The following PPP3CA variants were observed in gnomAD, a reference collection of about 807,000 sequenced individuals.
The protein encoded by PPP3CA is protein phosphatase 3 catalytic subunit alpha.
In PPP3CA, 14 loss-of-function variants were observed where a neutral mutation model predicts 66.5. The observed-to-expected ratio is 0.21, with a 90% confidence interval of 0.14 to 0.33. The LOEUF (loss-of-function observed/expected upper bound fraction) is 0.33, where lower values mean the gene tolerates loss of function less well. Among genes scored for constraint, PPP3CA ranks in the 10% least tolerant of loss-of-function variants. The pLI is 1.00. For missense variants in PPP3CA, 317 were observed against 639.5 expected, an observed-to-expected ratio of 0.50 and a Z score of 5.44; for synonymous variants, 232 against 226.2, an observed-to-expected ratio of 1.03 and a Z score of -0.23.
chr4:101,302,886 A>G (rs1728424038), intron 1 of PPP3CA, among the ~76,000 whole-genome samples: 1 of 152,242 alleles, frequency 6.6e-6, no homozygotes, highest in Admixed American at 6.5e-5. Context: ...TAATTACTCT[A>G]AGGCAGAGTT....
intron 4 of PPP3CA, among the ~76,000 whole-genome samples, chr4:101,098,878 T>C (rs1341412966): frequency 2.0e-5 from 3 of 152,082 alleles, no homozygotes; most frequent in African/African-American, 4.8e-5. Flanking sequence ...TCCTTAACGA[T>C]TTTGTAGAAA....
intron 2 of PPP3CA, among the ~76,000 whole-genome samples, chr4:101,169,807 C>CA (rs1171300970): frequency 6.6e-6 from 1 of 151,524 alleles, no homozygotes; most frequent in Non-Finnish European, 1.5e-5. Context: ...GAAGAGGCTT[C>CA]AAAAAATGCT....
chr4:101,317,190 A>C (rs915264385), intron 1 of PPP3CA, among the ~76,000 whole-genome samples: 4 of 151,600 alleles, frequency 2.6e-5, no homozygotes, highest in African/African-American at 7.3e-5. Flanking sequence ...CAGCAAAAGA[A>C]AACCAGACCA....
At chr4:101,235,027 C>T (rs75178839) in intron 1 of PPP3CA, among the ~76,000 whole-genome samples, 2 of 151,588 alleles carry the variant, frequency 1.3e-5, no homozygotes, top group African/African-American at 4.8e-5. Flanking sequence ...TATATATATA[C>T]ACACTACTAG....
chr4:101,268,414 A>T (rs1727234658), intron 1 of PPP3CA, among the ~76,000 whole-genome samples: 1 of 152,122 alleles, frequency 6.6e-6, no homozygotes, highest in Non-Finnish European at 1.5e-5. Flanking sequence ...CAACAATTTC[A>T]GAGAATTCCA....
At chr4:101,111,649 C>A (rs1233017451) in intron 2 of PPP3CA, among the ~76,000 whole-genome samples, 1 of 152,110 alleles carries the variant, frequency 6.6e-6, no homozygotes, top group East Asian at 1.9e-4. Context: ...ACCGAGGCTC[C>A]AACCCTTGCT....
At chr4:101,118,926 C>T (rs1721932711) in intron 2 of PPP3CA, among the ~76,000 whole-genome samples, 1 of 149,666 alleles carries the variant, frequency 6.7e-6, no homozygotes, top group Non-Finnish European at 1.5e-5. Context: ...CCTCTGCTGC[C>T]TCATCTATAA....
intron 13 of PPP3CA, 75 bp from the exon 14 acceptor site, chr4:101,026,136 G>T: frequency 7.7e-7 from 1 of 1,300,866 alleles, no homozygotes; most frequent in Non-Finnish European, 1.1e-6. Flanking sequence ...GTTGCAGCAG[G>T]TGATGTTAGA....
At chr4:101,031,843 A>G (rs1726978068) in intron 12 of PPP3CA, among the ~76,000 whole-genome samples, 1 of 152,256 alleles carries the variant, frequency 6.6e-6, no homozygotes, top group Non-Finnish European at 1.5e-5. Context: ...CTGAAAATCT[A>G]GACATACAGG....
At chr4:101,191,928 A>C (rs987792101) in intron 2 of PPP3CA, among the ~76,000 whole-genome samples, 39 of 152,142 alleles carry the variant, frequency 2.6e-4, no homozygotes, top group African/African-American at 8.4e-4. Flanking sequence ...AAACAGGCAA[A>C]CCAGAGAGAT....
intron 2 of PPP3CA, among the ~76,000 whole-genome samples, chr4:101,194,903 C>T (rs1392868087): frequency 6.6e-6 from 1 of 151,774 alleles, no homozygotes; most frequent in African/African-American, 2.4e-5. Flanking sequence ...ATTTTTATGG[C>T]CTAAGAGAAG....
chr4:101,099,804 T>C (rs1190868356), intron 3 of PPP3CA, 82 bp from the exon 4 acceptor site: 5 of 699,982 alleles, frequency 7.1e-6, no homozygotes, highest in East Asian at 3.4e-5. Context: ...CATAAAGACA[T>C]GAATAAAATG....
rs3840161 is a variant in PPP3CA, at chr4:101,317,253, A to AACACACACACACACACACAC, written c.58+29466_58+29485dup. ...GGAGGCCCCTTAACTCGGTACTCCCAACACACACACACACACACACACACA... is the reference window on the plus strand; with the variant it reads ...GGAGGCCCCTTAACTCGGTACTCCCAACACACACACACACACACACACACACACACACACACACACACACA... On this transcript the variant is annotated intron_variant, in intron 1 of 13. Transcript: ENST00000394854. Among the ~76,000 whole-genome samples, 601 of 145,390 alleles carry AACACACACACACACACACAC rather than the reference A, an allele frequency of 4.1e-3. 4 individuals are homozygous for AACACACACACACACACACAC. Among genetic ancestry groups the AACACACACACACACACACAC allele is most frequent in the African/African-American group, 0.014 (559 of 38,676 alleles).
chr4:101,069,682 G>C (rs560650113), intron 8 of PPP3CA, among the ~76,000 whole-genome samples: 6 of 152,236 alleles, frequency 3.9e-5, no homozygotes, highest in Admixed American at 2.0e-4. Flanking sequence ...TGCCACCCTT[G>C]AGACAGCAAG....
intron 2 of PPP3CA, among the ~76,000 whole-genome samples, chr4:101,175,291 G>C (rs974362421): frequency 2.6e-5 from 4 of 152,176 alleles, no homozygotes; most frequent in Non-Finnish European, 5.9e-5. Flanking sequence ...CTTAGGGGCT[G>C]ACCTGTGGTA....
At chr4:101,199,569 C>T (rs1724906424) in intron 1 of PPP3CA, among the ~76,000 whole-genome samples, 1 of 152,164 alleles carries the variant, frequency 6.6e-6, no homozygotes, top group South Asian at 2.1e-4. Flanking sequence ...CTTCACAATT[C>T]CCACTCAATG....
intron 1 of PPP3CA, among the ~76,000 whole-genome samples, chr4:101,240,108 T>G (rs1342920204): frequency 1.3e-5 from 2 of 151,920 alleles, no homozygotes; most frequent in Admixed American, 1.3e-4. Context: ...GTACATAATT[T>G]TATTGCTATA....
In PPP3CA at chr4:101,084,512, G is replaced by C. The variant is rs1395172592; in HGVS notation, c.783-1249C>G. 3.3e-5 allele frequency among the ~76,000 whole-genome samples: 5 copies of C among 151,852 alleles called. No individual in the cohort carries two copies. The South Asian group carries it at 1.0e-3, about 32-fold the overall frequency. ...CAAAAAACTAGCCAGGCTTAGGGGT[G>C]GGCGCCTGTAATCCCAACTACTCGG... is the stretch of plus-strand genomic sequence containing the variant. On this transcript the variant is annotated intron_variant, in intron 6 of 13. Coordinates refer to ENST00000394854, the MANE Select transcript of PPP3CA (RefSeq NM_000944.5).
At chr4:101,294,723 G>A (rs192563516) in intron 1 of PPP3CA, among the ~76,000 whole-genome samples, 3 of 152,066 alleles carry the variant, frequency 2.0e-5, no homozygotes, top group Admixed American at 2.0e-4. Flanking sequence ...CTGTGTTGTG[G>A]GGGGAGTTCT....
Sources: gnomAD v4.1 joint callset for allele counts (sites outside exome capture counted in the v4.1 genomes callset) on GRCh38, gnomAD v4.1.1 for gene constraint, MANE v1.5 for transcripts, NCBI Gene and HGNC (gene_info 2026-07-23, HGNC 2026-07-21) for gene names.